ABCC4: variants seen among roughly 807,000 people sequenced by gnomAD.
ABCC4 encodes ATP-binding cassette sub-family C member 4.
Under a neutral mutation model 168.5 loss-of-function variants are expected in ABCC4, and 102 were observed. The observed-to-expected ratio is 0.61, with a 90% CI of 0.52 to 0.71. The LOEUF is 0.71. Among genes scored for constraint, ABCC4 ranks in the 30% least tolerant of loss-of-function variants. ABCC4 has a pLI of 0.00. For synonymous variants in ABCC4, 617 were observed against 590.7 expected (o/e 1.04, Z -0.65); for missense variants, 1,402 against 1,605.8 (o/e 0.87, Z 2.17).
chr13:95,140,812 T>C (rs2036294780), intron 19 of ABCC4, among the ~76,000 whole-genome samples: 1 of 152,222 alleles, frequency 6.6e-6, no homozygotes, highest in Non-Finnish European at 1.5e-5. Flanking sequence ...TGCCCGACAT[T>C]TTCCATCACT....
intron 30 of ABCC4, among the ~76,000 whole-genome samples, chr13:95,024,219 A>C (rs367596650): frequency 0.13 from 19,312 of 151,436 alleles, 1,378 homozygotes; most frequent in Admixed American, 0.18. Context: ...AAAAAAAAAA[A>C]AAAAAAAAAG....
intron 20 of ABCC4, among the ~76,000 whole-genome samples, chr13:95,110,453 C>T (rs1312678693): frequency 1.3e-5 from 2 of 152,102 alleles, no homozygotes; most frequent in African/African-American, 4.8e-5. Context: ...AGTCACAAAA[C>T]ACCATATCTC....
intron 20 of ABCC4, among the ~76,000 whole-genome samples, chr13:95,103,702 C>T (rs2139380012): frequency 6.6e-6 from 1 of 152,312 alleles, no homozygotes; most frequent in South Asian, 2.1e-4. Flanking sequence ...TTCTTGTTTT[C>T]CTGATGCTGG....
chr13:95,051,523 C>T (rs1310018349), intron 27 of ABCC4, among the ~76,000 whole-genome samples: 2 of 152,028 alleles, frequency 1.3e-5, no homozygotes, highest in East Asian at 3.8e-4. Context: ...TGCATGCCAC[C>T]ACATCTGGCT....
At chr13:95,171,545 G>A (rs909030478) in intron 13 of ABCC4, among the ~76,000 whole-genome samples, 1 of 146,596 alleles carries the variant, frequency 6.8e-6, no homozygotes, top group African/African-American at 2.5e-5. Context: ...GACAGAGTAA[G>A]ACCCTGTCTC....
chr13:95,133,520 G>A (rs985250291), intron 19 of ABCC4, among the ~76,000 whole-genome samples: 12 of 152,056 alleles, frequency 7.9e-5, no homozygotes, highest in African/African-American at 2.7e-4. Flanking sequence ...CATTCAGCTC[G>A]ACGTGGACAC....
At chr13:95,124,195 G>A (rs923265446) in intron 19 of ABCC4, among the ~76,000 whole-genome samples, 1 of 152,194 alleles carries the variant, frequency 6.6e-6, no homozygotes. Context: ...GCAGTTTGGA[G>A]AGATGGACGT....
At chr13:95,025,257 A>ACACACCCC (rs1566351154) in intron 30 of ABCC4, among the ~76,000 whole-genome samples, 1 of 31,642 alleles carries the variant, frequency 3.2e-5, no homozygotes, top group Non-Finnish European at 5.7e-5. Flanking sequence ...CCACACACAC[A>ACACACCCC]CACACCCCCA....
intron 1 of ABCC4, among the ~76,000 whole-genome samples, chr13:95,263,625 C>A (rs994826959): frequency 2.0e-5 from 3 of 152,084 alleles, no homozygotes; most frequent in Admixed American, 2.0e-4. Flanking sequence ...GAGTTCAAGA[C>A]CAGCCTGGCC....
intron 9 of ABCC4, among the ~76,000 whole-genome samples, chr13:95,190,480 T>C (rs1472939561): frequency 6.6e-6 from 1 of 152,218 alleles, no homozygotes; most frequent in Admixed American, 6.5e-5. Flanking sequence ...ATGATAGGGA[T>C]AGTTTACCAG....
chr13:95,220,226 C>A (rs1416878815), intron 4 of ABCC4, among the ~76,000 whole-genome samples: 1 of 152,128 alleles, frequency 6.6e-6, no homozygotes, highest in African/African-American at 2.4e-5. Flanking sequence ...TATAATGTAT[C>A]TTCTCAAATA....
chr13:95,228,704 C>A (rs1386664976), intron 4 of ABCC4, among the ~76,000 whole-genome samples: 4 of 150,716 alleles, frequency 2.7e-5, no homozygotes, highest in African/African-American at 4.9e-5. Context: ...GCGGAGGTTG[C>A]AGTGAACTAA....
At chr13:95,087,019 C>T (rs1034531532) in intron 20 of ABCC4, among the ~76,000 whole-genome samples, 4 of 151,940 alleles carry the variant, frequency 2.6e-5, no homozygotes, top group Non-Finnish European at 5.9e-5. Flanking sequence ...TTACTGACTT[C>T]GCAGAAGACA....
chr13:95,139,786 C>T (rs1367457681), intron 19 of ABCC4, among the ~76,000 whole-genome samples: 1 of 152,168 alleles, frequency 6.6e-6, no homozygotes, highest in African/African-American at 2.4e-5. Flanking sequence ...CCCAAATTGA[C>T]AGCTGTCCTG....
intron 19 of ABCC4, among the ~76,000 whole-genome samples, chr13:95,142,717 T>A (rs918872839): frequency 6.6e-6 from 1 of 152,198 alleles, no homozygotes; most frequent in African/African-American, 2.4e-5. Context: ...TTAGATCTTA[T>A]CATCATACTA....
At chr13:95,238,451 C>G (rs1446632252) in intron 3 of ABCC4, among the ~76,000 whole-genome samples, 1 of 152,124 alleles carries the variant, frequency 6.6e-6, no homozygotes, top group Non-Finnish European at 1.5e-5. Flanking sequence ...GGCCTGAGTT[C>G]CCCATCCCCG....
chr13:95,024,033 C>A (rs1334467704), intron 30 of ABCC4, among the ~76,000 whole-genome samples: 1 of 151,772 alleles, frequency 6.6e-6, no homozygotes, highest in Non-Finnish European at 1.5e-5. Context: ...ATGGTGAAAC[C>A]CCATCTCTAC....
chr13:95,230,341 C>A (rs890430721), intron 4 of ABCC4, among the ~76,000 whole-genome samples: 1 of 152,108 alleles, frequency 6.6e-6, no homozygotes, highest in Non-Finnish European at 1.5e-5. Context: ...GTTAAACAGA[C>A]AAATTATTAA....
intron 1 of ABCC4, 78 bp downstream of exon 1, chr13:95,301,163 C>G: frequency 7.3e-7 from 1 of 1,375,396 alleles, no homozygotes; most frequent in South Asian, 1.3e-5. Flanking sequence ...GCTTGGGCAG[C>G]ATCGGGCGCG....
Sources: allele counts gnomAD v4.1 joint callset (sites outside exome capture counted in the v4.1 genomes callset), GRCh38; gene constraint gnomAD v4.1.1; transcripts MANE v1.5; gene names NCBI Gene and HGNC (gene_info 2026-07-23, HGNC 2026-07-21).